Variants in CDKAL1 observed in about 807,000 individuals in gnomAD.
The protein encoded by CDKAL1 is CDKAL1 threonylcarbamoyladenosine tRNA methylthiotransferase, also known as threonylcarbamoyladenosine tRNA methylthiotransferase.
CDKAL1 carries 32 observed loss-of-function variants against 68.2 expected under a neutral mutation model. The ratio of observed to expected loss-of-function variants is 0.47; its 90% CI spans 0.35 to 0.63. CDKAL1 has a LOEUF of 0.63. CDKAL1 is among the 30% of genes least tolerant of loss of function. The pLI is 0.00. For synonymous variants in CDKAL1, 234 were observed against 244.3 expected, an observed-to-expected ratio of 0.96 and a Z score of 0.39; for missense variants, 606 against 696.7, an observed-to-expected ratio of 0.87 and a Z score of 1.47.
At chr6:20,700,128 A>C (rs1771276019) in intron 5 of CDKAL1, among the ~76,000 whole-genome samples, 1 of 150,736 alleles carries the variant, frequency 6.6e-6, no homozygotes, top group Admixed American at 6.6e-5. Context: ...TTAATATTTT[A>C]TTTACTAACT....
At chr6:20,666,422 C>A (rs1183029949) in intron 5 of CDKAL1, among the ~76,000 whole-genome samples, 1 of 151,650 alleles carries the variant, frequency 6.6e-6, no homozygotes, top group African/African-American at 2.4e-5. Flanking sequence ...ATATATCTGC[C>A]CCTTGATTTA....
rs183548215 is a variant in CDKAL1, at chr6:21,085,768, T to A, written c.1236+20540T>A. Among the ~76,000 whole-genome samples, 382 of 152,248 alleles carry A rather than the reference T, an allele frequency of 2.5e-3. 1 individual carries two copies. Among genetic ancestry groups the A allele is most frequent in the African/African-American group, 8.7e-3 (360 of 41,522 alleles). On this transcript the variant is annotated intron_variant, in intron 12 of 15. Transcript: ENST00000274695. ...GGCCCTTGGGAATTTTCCTAGATAA[T>A]AAACTGAGCCATCAGAAGTATGACA...
At chr6:21,046,994 A>G (rs1770275229) in intron 11 of CDKAL1, among the ~76,000 whole-genome samples, 2 of 152,358 alleles carry the variant, frequency 1.3e-5, no homozygotes, top group East Asian at 1.9e-4. Flanking sequence ...AAAGTTGCAA[A>G]TAAATTCAAG....
chr6:21,080,739 T>A (rs570901255), intron 12 of CDKAL1, among the ~76,000 whole-genome samples: 1 of 152,336 alleles, frequency 6.6e-6, no homozygotes, highest in African/African-American at 2.4e-5. Context: ...CTTTGTGTAG[T>A]CAGACCAACA....
chr6:20,818,247 G>A (rs4712552), intron 8 of CDKAL1, among the ~76,000 whole-genome samples: 96,818 of 152,034 alleles, frequency 0.64, 31,168 homozygotes, highest in African/African-American at 0.65. Context: ...TTCACTTGAG[G>A]TATATTTCTG....
chr6:20,797,367 G>A (rs577820284), intron 8 of CDKAL1, among the ~76,000 whole-genome samples: 2 of 152,332 alleles, frequency 1.3e-5, no homozygotes, highest in East Asian at 1.9e-4. Context: ...AGGATGTAGA[G>A]CAATTAGAGC....
At chr6:20,927,484 A>G (rs1343810381) in intron 9 of CDKAL1, among the ~76,000 whole-genome samples, 1 of 152,208 alleles carries the variant, frequency 6.6e-6, no homozygotes, top group African/African-American at 2.4e-5. Context: ...TTGCCTATTA[A>G]TAATGCAATA....
At chr6:21,091,857 C>CTTTTTT (rs70990099) in intron 12 of CDKAL1, among the ~76,000 whole-genome samples, 4 of 70,580 alleles carry the variant, frequency 5.7e-5, no homozygotes, top group Non-Finnish European at 7.8e-5. Context: ...TCAGAACTTT[C>CTTTTTT]TTTTTTTTTT....
chr6:20,789,840 A>G (rs889629710), intron 8 of CDKAL1, among the ~76,000 whole-genome samples: 2 of 152,248 alleles, frequency 1.3e-5, no homozygotes, highest in African/African-American at 2.4e-5. Context: ...AGATGCTTTT[A>G]CAGTTGAGAA....
chr6:20,546,184 A>G (rs1196576814), intron 2 of CDKAL1, among the ~76,000 whole-genome samples, 162 bp from the exon 3 acceptor site: 1 of 152,206 alleles, frequency 6.6e-6, no homozygotes, highest in African/African-American at 2.4e-5. Flanking sequence ...TACCCAAGAT[A>G]GTACTTCATC....
intron 4 of CDKAL1, among the ~76,000 whole-genome samples, chr6:20,610,663 T>C (rs1368604199): frequency 6.6e-6 from 1 of 152,122 alleles, no homozygotes; most frequent in Non-Finnish European, 1.5e-5. Flanking sequence ...TTATTTTCCT[T>C]TCTGTAAGTA....
intron 12 of CDKAL1, among the ~76,000 whole-genome samples, chr6:21,077,924 G>A (rs1270964971): frequency 6.6e-6 from 1 of 152,192 alleles, no homozygotes; most frequent in Non-Finnish European, 1.5e-5. Flanking sequence ...AGGGGAGCAA[G>A]AGGGTCCCAG....
intron 4 of CDKAL1, among the ~76,000 whole-genome samples, chr6:20,645,536 C>G (rs575200390): frequency 7.0e-4 from 107 of 151,970 alleles, no homozygotes; most frequent in Non-Finnish European, 1.1e-3. Flanking sequence ...TTGAGACCAT[C>G]CTGGCCAACA....
chr6:20,823,072 T>C (rs1777352213), intron 8 of CDKAL1, among the ~76,000 whole-genome samples: 1 of 152,174 alleles, frequency 6.6e-6, no homozygotes, highest in Non-Finnish European at 1.5e-5. Flanking sequence ...TCGTTTTCTC[T>C]CTCTCTCTGT....
At chr6:20,885,879 T>C (rs911377276) in intron 9 of CDKAL1, among the ~76,000 whole-genome samples, 8 of 152,244 alleles carry the variant, frequency 5.3e-5, no homozygotes, top group African/African-American at 1.7e-4. Context: ...GGTCAGAAGT[T>C]GGAGACCAGC....
intron 9 of CDKAL1, among the ~76,000 whole-genome samples, chr6:20,916,509 G>A (rs1195658826): frequency 6.6e-6 from 1 of 152,146 alleles, no homozygotes; most frequent in East Asian, 1.9e-4. Context: ...CTGAACACTG[G>A]GGGTGCAGGT....
intron 5 of CDKAL1, among the ~76,000 whole-genome samples, chr6:20,675,894 T>C (rs1431801972): frequency 6.6e-6 from 1 of 152,140 alleles, no homozygotes; most frequent in African/African-American, 2.4e-5. Flanking sequence ...CCAAGTGTAT[T>C]ATTGCCCCTG....
chr6:21,097,821 A>G (rs1263671055), intron 12 of CDKAL1, among the ~76,000 whole-genome samples: 1 of 152,222 alleles, frequency 6.6e-6, no homozygotes, highest in Non-Finnish European at 1.5e-5. Context: ...AAATTCTGGA[A>G]TTTTTACAAT....
At chr6:20,682,019 A>G (rs1335243856) in intron 5 of CDKAL1, among the ~76,000 whole-genome samples, 1 of 152,322 alleles carries the variant, frequency 6.6e-6, no homozygotes, top group African/African-American at 2.4e-5. Context: ...GGGGCAAGGC[A>G]GCTAGCTTTA....
Sources: gnomAD v4.1 joint callset for allele counts (sites outside exome capture counted in the v4.1 genomes callset) on GRCh38, gnomAD v4.1.1 for gene constraint, MANE v1.5 for transcripts, NCBI Gene and HGNC (gene_info 2026-07-23, HGNC 2026-07-21) for gene names.